The following BANP variants were observed in gnomAD, a reference collection of about 807,000 sequenced individuals.
The protein encoded by BANP is BTG3 associated nuclear protein.
In BANP, 11 loss-of-function variants were observed where a neutral mutation model predicts 68.1. The observed-to-expected ratio is 0.16, with a 90% CI of 0.10 to 0.27. The LOEUF (loss-of-function observed/expected upper bound fraction) is 0.27, where lower values mean the gene tolerates loss of function less well. BANP is among the 10% of genes least tolerant of loss of function. The pLI is 1.00. For synonymous variants in BANP, 329 were observed against 303.2 expected, an observed-to-expected ratio of 1.09 and a Z score of -0.88; for missense variants, 504 against 722.7, an observed-to-expected ratio of 0.70 and a Z score of 3.47.
intron 4 of BANP, among the ~76,000 whole-genome samples, chr16:87,989,171 T>C (rs1318410618): frequency 6.6e-6 from 1 of 152,102 alleles, no homozygotes; most frequent in South Asian, 2.1e-4. Flanking sequence ...AAAATGCGAG[T>C]CACCTGGATG....
upstream of BANP, among the ~76,000 whole-genome samples, chr16:87,951,232 CG>C (rs1216211164): frequency 4.6e-5 from 7 of 152,140 alleles, no homozygotes; most frequent in South Asian, 4.1e-4. Flanking sequence ...GGGCGAAAAA[CG>C]GGGGGAAAAA....
intron 1 of BANP, among the ~76,000 whole-genome samples, chr16:87,953,513 T>C (rs1049969858): frequency 1.3e-5 from 2 of 152,332 alleles, no homozygotes; most frequent in South Asian, 2.1e-4. Context: ...TAAGCTGATA[T>C]TTTGTATTAC....
chr16:88,009,270 T>C (rs1405659913), intron 6 of BANP, among the ~76,000 whole-genome samples: 1 of 152,142 alleles, frequency 6.6e-6, no homozygotes, highest in Non-Finnish European at 1.5e-5. Flanking sequence ...ATTAGGAATA[T>C]GGGAAGTGCT....
At chr16:87,968,092 A>T (rs527449764) in intron 1 of BANP, among the ~76,000 whole-genome samples, 33 of 150,378 alleles carry the variant, frequency 2.2e-4, no homozygotes, top group African/African-American at 7.8e-4. Context: ...TTTTTTTTTT[A>T]AAGGTTCTGA....
chr16:88,076,241 G>A (rs576905650), intron 13 of BANP, among the ~76,000 whole-genome samples: 175 of 152,274 alleles, frequency 1.1e-3, no homozygotes, highest in African/African-American at 4.0e-3. Flanking sequence ...CTTCGGGAGG[G>A]CCAGGATGTT....
At chr16:88,062,418 G>T (rs527908443) in intron 11 of BANP, among the ~76,000 whole-genome samples, 22 of 152,324 alleles carry the variant, frequency 1.4e-4, no homozygotes, top group African/African-American at 5.3e-4. Flanking sequence ...CCTTTAGGCC[G>T]GGGTTCCCTC....
chr16:87,972,369 T>C (rs983789660), intron 1 of BANP, among the ~76,000 whole-genome samples: 3 of 152,088 alleles, frequency 2.0e-5, no homozygotes, highest in Non-Finnish European at 4.4e-5. Context: ...TTCTGGTTAA[T>C]GTGTGTTATG....
chr16:87,984,175 C>T lies in BANP; in HGVS notation c.278C>T (p.Thr93Met), dbSNP rs778185407. 7.3e-5 allele frequency: 118 copies of T among 1,607,886 alleles called. 1 individual carries two copies. Among genetic ancestry groups the T allele is most frequent in the African/African-American group, 6.0e-4 (45 of 74,774 alleles). The change falls in exon 4 of 14, where the codon ACG (threonine) becomes ATG (methionine). Residue 93 changes from threonine to methionine, a missense_variant. Transcript: ENST00000682872. ...KSLEEKLDLV[T>M]NKQHSPIQVP... ...TTAGAAGAAAAGCTGGATCTGGTCA[C>T]GAACAAGCAGCACAGCCCCATCCAG...
chr16:88,027,796 A>C, intron 8 of BANP, 146 bp downstream of exon 8: 1 of 986,366 alleles, frequency 1.0e-6, no homozygotes, highest in Non-Finnish European at 1.5e-6. Context: ...CGCACGGAGC[A>C]GTGGAGCCGC....
At chr16:87,994,446 A>G (rs2066680185) in intron 4 of BANP, among the ~76,000 whole-genome samples, 1 of 152,246 alleles carries the variant, frequency 6.6e-6, no homozygotes, top group African/African-American at 2.4e-5. Context: ...AGAAGCTAGA[A>G]GCTTCTTTCT....
chr16:87,977,232 G>A (rs1296666797), intron 2 of BANP, among the ~76,000 whole-genome samples: 4 of 152,138 alleles, frequency 2.6e-5, no homozygotes, highest in Admixed American at 6.5e-5. Context: ...GGCAAACACG[G>A]TGAAGTCTCT....
rs139476875 is a variant in BANP, at chr16:87,979,579, G to C, written c.71-1457G>C. On this transcript the variant is annotated intron_variant, in intron 2 of 13. Transcript: ENST00000682872. ...ACAGCACCAGCAGAGCGGGGCAGGTGTCATCTGGCCACAGTGAGGTCATCC... is the reference window on the plus strand; with the variant it reads ...ACAGCACCAGCAGAGCGGGGCAGGTCTCATCTGGCCACAGTGAGGTCATCC... 1.6e-4 allele frequency among the ~76,000 whole-genome samples: 25 copies of C among 152,284 alleles called. No individual in the cohort carries two copies. The East Asian group carries it at 4.3e-3, about 26-fold the overall frequency.
chr16:88,046,903 A>G (rs1438973052), intron 11 of BANP, among the ~76,000 whole-genome samples: 1 of 151,882 alleles, frequency 6.6e-6, no homozygotes, highest in Non-Finnish European at 1.5e-5. Flanking sequence ...CGTCTCTACT[A>G]AAAATACAAA....
At chr16:88,025,364 G>A (rs1362783209) in intron 7 of BANP, among the ~76,000 whole-genome samples, 1 of 152,210 alleles carries the variant, frequency 6.6e-6, no homozygotes, top group Admixed American at 6.5e-5. Context: ...CACTAAAGTT[G>A]CTCAGCCTGG....
At chr16:88,053,237 T>A (rs1159321595) in intron 11 of BANP, among the ~76,000 whole-genome samples, 1 of 146,570 alleles carries the variant, frequency 6.8e-6, no homozygotes, top group Non-Finnish European at 1.5e-5. Context: ...ACAACCACCC[T>A]AACAACCACT....
chr16:87,987,154 C>G (rs1280820924), intron 4 of BANP, among the ~76,000 whole-genome samples: 1 of 152,198 alleles, frequency 6.6e-6, no homozygotes, highest in Admixed American at 6.5e-5. Context: ...TCTTGGCTCA[C>G]TGCAACCTCT....
At chr16:88,050,848 C>T (rs1426858726) in intron 11 of BANP, among the ~76,000 whole-genome samples, 1 of 149,284 alleles carries the variant, frequency 6.7e-6, no homozygotes, top group Non-Finnish European at 1.5e-5. Context: ...CCACCACGAC[C>T]TGCTAATTTT....
At chr16:88,024,754 G>T (rs1364832972) in intron 7 of BANP, among the ~76,000 whole-genome samples, 1 of 152,272 alleles carries the variant, frequency 6.6e-6, no homozygotes, top group Non-Finnish European at 1.5e-5. Flanking sequence ...GGGGCCTGGA[G>T]CGCAGACGGA....
At chr16:88,035,463 T>G in intron 10 of BANP, 69 bp downstream of exon 10, 1 of 1,425,142 alleles carries the variant, frequency 7.0e-7, no homozygotes, top group Non-Finnish European at 9.7e-7. Flanking sequence ...CCTTCATCGG[T>G]GTCACAGTGC....
Sources: gnomAD v4.1 joint callset for allele counts (sites outside exome capture counted in the v4.1 genomes callset) on GRCh38, gnomAD v4.1.1 for gene constraint, MANE v1.5 for transcripts, NCBI Gene and HGNC (gene_info 2026-07-23, HGNC 2026-07-21) for gene names.